Variants in PCDHA3 observed in about 807,000 individuals in gnomAD.
PCDHA3 encodes protocadherin alpha 3.
PCDHA3 carries 41 observed loss-of-function variants against 62.2 expected under a neutral mutation model. The observed-to-expected ratio is 0.66, with a 90% CI of 0.51 to 0.86. The LOEUF is 0.86. Ranked by LOEUF, PCDHA3 falls within the 40% of genes least tolerant of loss-of-function variation. The pLI is 0.00. For synonymous variants in PCDHA3, 640 were observed against 555.4 expected (o/e 1.15, Z -2.14); for missense variants, 1,304 against 1,241.2 (o/e 1.05, Z -0.76).
chr5:140,922,176 C>CA (rs3836750), intron 1 of PCDHA3, among the ~76,000 whole-genome samples: 11 of 150,702 alleles, frequency 7.3e-5, no homozygotes, highest in East Asian at 5.8e-4. Flanking sequence ...GTACAGCAGA[C>CA]AAAAAAAAAG....
chr5:140,931,319 T>A (rs1237988294), intron 1 of PCDHA3, among the ~76,000 whole-genome samples: 3 of 152,086 alleles, frequency 2.0e-5, no homozygotes, highest in Non-Finnish European at 4.4e-5. Flanking sequence ...ATACCAGTAA[T>A]GGCTGTAAAG....
chr5:140,845,513 G>A (rs2150211324), intron 1 of PCDHA3, among the ~76,000 whole-genome samples: 1 of 149,564 alleles, frequency 6.7e-6, no homozygotes, highest in African/African-American at 2.4e-5. Context: ...CCTATTTCTT[G>A]TACATTAATA....
intron 1 of PCDHA3, chr5:140,842,773 G>A: frequency 6.3e-7 from 1 of 1,594,638 alleles, no homozygotes; most frequent in Non-Finnish European, 8.6e-7. Context: ...ACGCGGACGC[G>A]CAGGAGAACG....
intron 1 of PCDHA3, chr5:140,857,764 G>T (rs552891884): frequency 6.3e-7 from 1 of 1,597,520 alleles, no homozygotes; most frequent in Non-Finnish European, 8.6e-7. Flanking sequence ...CTGGCAGCGC[G>T]GGCGGTGCAG....
At chr5:140,857,413 G>A (rs979396078) in intron 1 of PCDHA3, 1 of 1,598,402 alleles carries the variant, frequency 6.3e-7, no homozygotes, top group African/African-American at 1.3e-5. Context: ...CTGCGTTCGC[G>A]CAGTCCGAGT....
chr5:140,927,910 C>A lies in PCDHA3; in HGVS notation c.2395-51039C>A, dbSNP rs782484227. 2.5e-6 allele frequency: 4 copies of A among 1,614,216 alleles called. No homozygotes were observed. In the South Asian group the frequency reaches 3.3e-5, roughly 13 times the overall value. On this transcript the variant is annotated intron_variant, in intron 1 of 3. Transcript: ENST00000522353. ...TGACGTGAACGATCATGCCCCCGAACTGGACTTCCTGACTCTTTCGAACCC... is the reference window on the plus strand; with the variant it reads ...TGACGTGAACGATCATGCCCCCGAAATGGACTTCCTGACTCTTTCGAACCC...
rs1424640992 is a variant in PCDHA3 at position 140,843,839 on chromosome 5, T to A, written c.2394+40248T>A. On this transcript the variant is annotated intron_variant, in intron 1 of 3. Transcript: ENST00000522353. The stretch of plus-strand genomic sequence containing the variant: ...GAAAATTTAAACATTGTTTAGTTTT[T>A]AGAAACCTTTTATAATTAATTGAAT... The A allele has an allele frequency of 3.1e-5, 33 of 1,049,446 alleles. 4 individuals carry two copies. The Admixed American group carries it at 7.9e-4, about 25-fold the overall frequency. 65.0% of individuals were successfully genotyped at this position (1,049,446 alleles called of 1,614,324 possible).
chr5:140,850,943 T>G lies in PCDHA3; in HGVS notation c.2394+47352T>G, dbSNP rs2150503194. On this transcript the variant is annotated intron_variant, in intron 1 of 3. Coordinates refer to ENST00000522353, the MANE Select transcript of PCDHA3 (RefSeq NM_018906.3). The stretch of plus-strand genomic sequence containing the variant: ...ATATAATTTTTTTTCTTGAAAGATA[T>G]TATCGATTACTCCCAGGGGCCGTTC... 7.3e-6 allele frequency: 11 copies of G among 1,506,780 alleles called. 2 individuals are homozygous for G. Among genetic ancestry groups the G allele is most frequent in the Non-Finnish European group, 8.9e-6 (10 of 1,121,750 alleles). The allele number at this position is 1,506,780 out of a possible 1,614,324, so 93.3% of individuals were successfully genotyped here.
Position 140,849,870 on chromosome 5 carries a change from G to A in PCDHA3, c.2394+46279G>A, listed in dbSNP as rs2150455328. 1.3e-5 allele frequency: 21 copies of A among 1,598,494 alleles called. 3 individuals are homozygous for A. The highest frequency in any genetic ancestry group is 5.1e-5 in the Admixed American group (3 of 59,300). The stretch of plus-strand genomic sequence containing the variant: ...CAACGCACCAGCGTTCGCGCAGTCC[G>A]AGTACACGGTGTTCGTGAAGGAGAA... On this transcript the variant is annotated intron_variant, in intron 1 of 3. Transcript: ENST00000522353.
At chr5:140,966,831 G>A in intron 1 of PCDHA3, 1 of 1,563,110 alleles carries the variant, frequency 6.4e-7, no homozygotes, top group Non-Finnish European at 8.6e-7. Flanking sequence ...CCCATGCCCT[G>A]GCTGCTGCTA....
At chr5:140,808,546 G>C in intron 1 of PCDHA3, 1 of 1,614,122 alleles carries the variant, frequency 6.2e-7, no homozygotes, top group African/African-American at 1.3e-5. Context: ...ACAACGCTCC[G>C]GCGTTCGCGC....
chr5:140,890,945 G>A (rs2062873584), intron 1 of PCDHA3, among the ~76,000 whole-genome samples: 1 of 152,132 alleles, frequency 6.6e-6, no homozygotes, highest in Non-Finnish European at 1.5e-5. Flanking sequence ...AGATGCTGGT[G>A]AGGAATGATT....
rs782610584 is a variant in PCDHA3 at position 140,883,582 on chromosome 5, G to C, written c.2394+79991G>C. 38 of 1,613,902 alleles carry C rather than the reference G, an allele frequency of 2.4e-5. No homozygotes were observed. The African/African-American group carries it at 3.7e-4, about 16-fold the overall frequency. ...GGGGCTCGCCTTCGCTGTGGGCCAC[G>C]GCCAGCGTGTCGGTGGGGGTGGCCG... is the stretch of plus-strand genomic sequence containing the variant. On this transcript the variant is annotated intron_variant, in intron 1 of 3. Transcript: ENST00000522353.
chr5:140,909,117 G>T lies in PCDHA3; in HGVS notation c.2395-69832G>T, dbSNP rs576916273. Among the ~76,000 whole-genome samples the T allele has an allele frequency of 1.1e-4, 16 of 152,272 alleles. No homozygotes were observed. The South Asian group carries it at 3.1e-3, about 30-fold the overall frequency. On this transcript the variant is annotated intron_variant, in intron 1 of 3. Transcript: ENST00000522353. ...ACTCACTGGGTCCAATCAGCAAAAT[G>T]TCATCAAGGTAATGAACCAGTGTGA...
intron 1 of PCDHA3, chr5:140,861,256 C>T (rs553582293): frequency 1.8e-5 from 3 of 166,694 alleles, no homozygotes; most frequent in African/African-American, 7.2e-5. Flanking sequence ...GCCAGGAATC[C>T]CGGAGCCTAC....
intron 1 of PCDHA3, among the ~76,000 whole-genome samples, chr5:140,926,099 T>C (rs1364046229): frequency 6.6e-6 from 1 of 152,162 alleles, no homozygotes; most frequent in Non-Finnish European, 1.5e-5. Context: ...GCTCCTGGGA[T>C]ACAAGAGGGT....
intron 1 of PCDHA3, among the ~76,000 whole-genome samples, chr5:140,964,913 A>G (rs1254329232): frequency 6.6e-6 from 1 of 152,202 alleles, no homozygotes; most frequent in African/African-American, 2.4e-5. Context: ...CTCTGGAATA[A>G]CACTGGCTAG....
At chr5:140,824,754 C>T (rs2150137148) in intron 1 of PCDHA3, 4 of 151,544 alleles carry the variant, frequency 2.6e-5, no homozygotes, top group Non-Finnish European at 4.4e-5. Flanking sequence ...GCAAGAGTGC[C>T]TGGCCTATAA....
At chr5:141,007,759 T>C (rs1392582275) in intron 3 of PCDHA3, among the ~76,000 whole-genome samples, 6 of 152,312 alleles carry the variant, frequency 3.9e-5, no homozygotes, top group Middle Eastern at 3.4e-3. Flanking sequence ...TGGACTCTTA[T>C]TGGCCTGGAA....
Sources: gnomAD v4.1 joint callset for allele counts (sites outside exome capture counted in the v4.1 genomes callset) on GRCh38, gnomAD v4.1.1 for gene constraint, MANE v1.5 for transcripts, NCBI Gene and HGNC (gene_info 2026-07-23, HGNC 2026-07-21) for gene names.